Variants in SEMA3A observed in about 807,000 individuals in gnomAD.
The protein encoded by SEMA3A is semaphorin 3A.
A neutral mutation model predicts 97.9 loss-of-function variants in SEMA3A; 29 were observed. That is an observed-to-expected ratio of 0.30 (90% CI 0.22 to 0.40). The LOEUF (loss-of-function observed/expected upper bound fraction) is 0.40. Ranked by LOEUF, SEMA3A falls within the 10% of genes least tolerant of loss-of-function variation. The pLI, the probability that SEMA3A is intolerant of heterozygous loss-of-function variation, is 1.00. For missense variants in SEMA3A, 763 were observed against 951.3 expected (o/e 0.80, Z 2.60); for synonymous variants, 321 against 323.7 (o/e 0.99, Z 0.09).
At chr7:84,453,470 T>G (rs2116370777) in intron 1 of SEMA3A, among the ~76,000 whole-genome samples, 1 of 152,148 alleles carries the variant, frequency 6.6e-6, no homozygotes, top group East Asian at 1.9e-4. Flanking sequence ...TCTCCTGACC[T>G]CGTGATCCGC....
intron 4 of SEMA3A, among the ~76,000 whole-genome samples, chr7:84,068,334 T>C (rs1261206712): frequency 6.8e-6 from 1 of 147,214 alleles, no homozygotes; most frequent in Non-Finnish European, 1.5e-5. Context: ...GATGACGAGT[T>C]AGTGGGTGCA....
intron 2 of SEMA3A, among the ~76,000 whole-genome samples, chr7:84,367,082 G>A (rs1428494950): frequency 1.3e-5 from 2 of 151,190 alleles, no homozygotes; most frequent in Non-Finnish European, 3.0e-5. Flanking sequence ...ATATGTCTCT[G>A]AATCTGATTC....
chr7:84,446,018 G>T (rs1434595198), intron 1 of SEMA3A, among the ~76,000 whole-genome samples: 1 of 152,000 alleles, frequency 6.6e-6, no homozygotes. Flanking sequence ...AGGAGTGTGG[G>T]AATATTATTA....
rs2116247270 is a variant in SEMA3A, at chr7:83,961,553, G to A, written c.2134C>T (p.His712Tyr). Residue 712 changes from histidine to tyrosine, a missense_variant, in exon 17 of 17, where the codon CAC becomes TAC. By Grantham distance (83) the His-to-Tyr change is moderately conservative. Transcript: ENST00000265362. ...WYRDFMQLIN[H>Y]PNLNTMDEFC... ...TCATCCATTGTGTTGAGATTGGGGT[G>A]GTTGATGAGCTGCATGAAGTCTCTG... The A allele has an allele frequency of 1.2e-6, 2 of 1,614,120 alleles. No homozygotes were observed. The highest frequency in any genetic ancestry group is 1.7e-6 in the Non-Finnish European group (2 of 1,179,976).
intron 1 of SEMA3A, among the ~76,000 whole-genome samples, chr7:84,466,161 TTTTGTTTG>T (rs34178034): frequency 1.3e-5 from 2 of 151,394 alleles, no homozygotes; most frequent in East Asian, 2.0e-4. Context: ...TTGTTAGGTT[TTTTGTTTG>T]TTTGTTTGTT....
At chr7:84,224,860 C>T (rs1217298408) in intron 3 of SEMA3A, among the ~76,000 whole-genome samples, 4 of 151,946 alleles carry the variant, frequency 2.6e-5, no homozygotes, top group African/African-American at 9.7e-5. Context: ...TGGTTTTTCC[C>T]TAGAATCTGT....
chr7:84,317,850 T>C (rs1158112024), intron 2 of SEMA3A, among the ~76,000 whole-genome samples: 2 of 152,182 alleles, frequency 1.3e-5, no homozygotes, highest in Non-Finnish European at 2.9e-5. Flanking sequence ...AAATATCTGA[T>C]TTCTGGGTAA....
At chr7:84,198,379 G>A (rs951178140), upstream of SEMA3A, among the ~76,000 whole-genome samples, 2 of 151,858 alleles carry the variant, frequency 1.3e-5, no homozygotes, top group Non-Finnish European at 2.9e-5. Context: ...TTTTAGTAGA[G>A]ACAGGGTTTC....
intron 1 of SEMA3A, among the ~76,000 whole-genome samples, chr7:84,192,805 G>T (rs1798091352): frequency 6.6e-6 from 1 of 151,750 alleles, no homozygotes; most frequent in Non-Finnish European, 1.5e-5. Context: ...TATATATCAT[G>T]ATTTTAAACT....
At chr7:84,194,433 G>T in intron 1 of SEMA3A, 42 bp downstream of exon 1, 1 of 1,338,544 alleles carries the variant, frequency 7.5e-7, no homozygotes, top group Non-Finnish European at 1.1e-6. Flanking sequence ...GGGGGGGGCG[G>T]TTATTACAAA....
chr7:84,274,276 A>G (rs1800234283), intron 3 of SEMA3A, among the ~76,000 whole-genome samples: 1 of 152,094 alleles, frequency 6.6e-6, no homozygotes, highest in Non-Finnish European at 1.5e-5. Context: ...GACTTGGTGA[A>G]GTTGCTGCCT....
At chr7:84,359,080 G>T (rs1802645571) in intron 2 of SEMA3A, among the ~76,000 whole-genome samples, 1 of 152,156 alleles carries the variant, frequency 6.6e-6, no homozygotes. Context: ...CATGTCATCT[G>T]CAGACAGGGA....
chr7:84,214,655 C>G (rs1798702719), intron 3 of SEMA3A, among the ~76,000 whole-genome samples: 1 of 151,516 alleles, frequency 6.6e-6, no homozygotes, highest in East Asian at 1.9e-4. Flanking sequence ...CTGACATGCT[C>G]TCTAATTGCT....
chr7:84,449,436 GA>G (rs982590248), intron 1 of SEMA3A, among the ~76,000 whole-genome samples: 9 of 151,448 alleles, frequency 5.9e-5, no homozygotes, highest in African/African-American at 1.9e-4. Flanking sequence ...TAACCAAGAA[GA>G]AAAAAACAAA....
chr7:84,045,532 G>A (rs1792314785), intron 6 of SEMA3A, among the ~76,000 whole-genome samples: 1 of 151,454 alleles, frequency 6.6e-6, no homozygotes, highest in Admixed American at 6.6e-5. Context: ...AAGAACTCTA[G>A]GTAGAAGGAT....
rs750492355 is a variant in SEMA3A, at chr7:84,194,537, G to A, written c.50C>T (p.Thr17Ile). 19 of 1,613,294 alleles carry A rather than the reference G, an allele frequency of 1.2e-5. No homozygotes were observed. The Admixed American group carries it at 3.0e-4, about 25-fold the overall frequency. Residue 17 changes from threonine (T) to isoleucine (I), a missense_variant, in exon 1 of 17, where the codon ACA becomes ATA. Around this residue, in one of 2 missense-constraint regions of SEMA3A, gnomAD observed 85 missense variants for 70.0 expected, o/e 1.21. Transcript: ENST00000265362. ...CCCATTCTGATAGTTTGCTCTTGCT[G>A]TAAGTAATACTCCCCAGAAAAGACA... is the stretch of plus-strand genomic sequence containing the variant. ...IVCLFWGVLL[T>I]ARANYQNGKN...
At chr7:84,176,565 GATA>G (rs1169490227) in intron 1 of SEMA3A, among the ~76,000 whole-genome samples, 1 of 152,080 alleles carries the variant, frequency 6.6e-6, no homozygotes, top group Non-Finnish European at 1.5e-5. Context: ...AAATCCCAAG[GATA>G]ATAGTTTAAA....
At chr7:84,078,206 T>C (rs1026537436) in intron 4 of SEMA3A, among the ~76,000 whole-genome samples, 1 of 152,200 alleles carries the variant, frequency 6.6e-6, no homozygotes. Flanking sequence ...TATCCCATTA[T>C]GTAAGTCCTT....
At chr7:83,984,318 T>C (rs1432945675) in intron 13 of SEMA3A, among the ~76,000 whole-genome samples, 1 of 152,136 alleles carries the variant, frequency 6.6e-6, no homozygotes, top group African/African-American at 2.4e-5. Context: ...CACATACTTA[T>C]GCAGTGTAAG....
Sources: gnomAD v4.1 joint callset for allele counts (sites outside exome capture counted in the v4.1 genomes callset) on GRCh38, gnomAD v4.1.1 for gene constraint, gnomAD v4.1.1 regional missense constraint, MANE v1.5 for transcripts, NCBI Gene and HGNC (gene_info 2026-07-23, HGNC 2026-07-21) for gene names.